NINJ2: variants seen among roughly 807,000 people sequenced by gnomAD.
The protein encoded by NINJ2 is ninjurin 2.
In NINJ2, 12 loss-of-function variants were observed where a neutral mutation model predicts 11.7. The ratio of observed to expected loss-of-function variants is 1.02; its 90% CI spans 0.66 to 1.66. NINJ2 has a LOEUF of 1.66. NINJ2 is among the 40% of genes most tolerant of loss of function. The pLI, the probability that NINJ2 is intolerant of heterozygous loss-of-function variation, is 0.00. For missense variants in NINJ2, 187 were observed against 181.8 expected, an observed-to-expected ratio of 1.03 and a Z score of -0.16; for synonymous variants, 93 against 76.8, an observed-to-expected ratio of 1.21 and a Z score of -1.10.
At chr12:649,032 A>ATCTATCTATCTATCTC (rs1191391738) in intron 1 of NINJ2, among the ~76,000 whole-genome samples, 217 of 149,298 alleles carry the variant, frequency 1.5e-3, no homozygotes, top group African/African-American at 5.1e-3. Context: ...CTATCTATCT[A>ATCTATCTATCTATCTC]TCTCAAGTGA....
At chr12:575,137 C>T (rs899470069) in intron 1 of NINJ2, among the ~76,000 whole-genome samples, 7 of 152,214 alleles carry the variant, frequency 4.6e-5, no homozygotes, top group Non-Finnish European at 7.3e-5. Context: ...CCTCCTGTAC[C>T]CATTGGGCAG....
intron 1 of NINJ2, among the ~76,000 whole-genome samples, chr12:630,147 G>A (rs1277971895): frequency 1.3e-5 from 2 of 151,422 alleles, no homozygotes; most frequent in East Asian, 1.9e-4. Flanking sequence ...TTACCAAACC[G>A]CTCTTAGGTT....
chr12:609,970 G>T (rs10744692), intron 1 of NINJ2, among the ~76,000 whole-genome samples: 31,040 of 148,400 alleles, frequency 0.21, 3,521 homozygotes, highest in East Asian at 0.3. Flanking sequence ...AAAAGACGAA[G>T]GAGAGAAATA....
chr12:626,880 G>T (rs768133115), intron 1 of NINJ2, among the ~76,000 whole-genome samples: 1 of 152,148 alleles, frequency 6.6e-6, no homozygotes, highest in Non-Finnish European at 1.5e-5. Flanking sequence ...GAGCCCAGGA[G>T]TTCAAGACCA....
intron 1 of NINJ2, among the ~76,000 whole-genome samples, chr12:630,163 C>T (rs1317651099): frequency 6.6e-6 from 1 of 151,666 alleles, no homozygotes; most frequent in African/African-American, 2.4e-5. Flanking sequence ...AGGTTCCTTC[C>T]CCAGGAGACC....
chr12:584,938 G>A (rs1324428885), intron 1 of NINJ2, among the ~76,000 whole-genome samples: 1 of 152,076 alleles, frequency 6.6e-6, no homozygotes, highest in African/African-American at 2.4e-5. Context: ...CCAATATGGT[G>A]AAACCCCGTC....
At chr12:658,481 T>A (rs934667774) in intron 1 of NINJ2, among the ~76,000 whole-genome samples, 5 of 152,192 alleles carry the variant, frequency 3.3e-5, no homozygotes, top group African/African-American at 1.2e-4. Context: ...GTGCCATTAC[T>A]GAGTGAGAGA....
intron 1 of NINJ2, among the ~76,000 whole-genome samples, chr12:620,145 C>A (rs1373450849): frequency 6.6e-6 from 1 of 152,214 alleles, no homozygotes; most frequent in East Asian, 1.9e-4. Flanking sequence ...AGAGCACAGG[C>A]AGTATGGGAG....
intron 1 of NINJ2, among the ~76,000 whole-genome samples, chr12:596,901 G>A (rs923806709): frequency 2.0e-5 from 3 of 151,056 alleles, no homozygotes; most frequent in South Asian, 2.1e-4. Flanking sequence ...CAGCCTGGAC[G>A]ATGAGAGTGA....
chr12:603,667 C>CT (rs112383920), intron 1 of NINJ2, among the ~76,000 whole-genome samples: 3,079 of 146,576 alleles, frequency 0.021, 93 homozygotes, highest in African/African-American at 0.069. Context: ...TATTCTTTTT[C>CT]TTTTTTTTTT....
intron 1 of NINJ2, among the ~76,000 whole-genome samples, chr12:629,896 A>AAAAAAAAAAAAAAAAAAAAAATATATAT: frequency 1.0e-4 from 1 of 9,904 alleles, no homozygotes; most frequent in Non-Finnish European, 4.7e-4. Flanking sequence ...AAAAAAAAAA[A>AAAAAAAAAAAAAAAAAAAAAATATATAT]ATATATATAT....
intron 1 of NINJ2, among the ~76,000 whole-genome samples, chr12:576,070 T>C (rs1231052313): frequency 6.6e-6 from 1 of 152,210 alleles, no homozygotes; most frequent in African/African-American, 2.4e-5. Flanking sequence ...CAACAGTCTC[T>C]AATCCACGTC....
Position 565,419 on chromosome 12 carries a change from G to A in NINJ2, c.263-18C>T, listed in dbSNP as rs377140055. ...CAGCCGTGCTGCAGGGAAGTGGAGT[G>A]GGGGGAAAGGGTCAGAGACGGGGCC... On this transcript the variant is annotated intron_variant, in intron 2 of 3. Coordinates refer to ENST00000305108, the MANE Select transcript of NINJ2 (RefSeq NM_016533.6). 9 of 1,611,558 alleles carry A rather than the reference G, an allele frequency of 5.6e-6. No homozygotes were observed. Among genetic ancestry groups the A allele is most frequent in the Middle Eastern group, 3.3e-4 (2 of 6,022 alleles).
rs1948201586 is a variant in NINJ2, at chr12:625,380, T to C, written c.33+37948A>G. The stretch of plus-strand genomic sequence containing the variant: ...AGAAGGTCAGAAAGCCAAGGTGAAG[T>C]CGAGACCTTGCATTTCAGGCTGAAG... On this transcript the variant is annotated intron_variant, in intron 1 of 3. Coordinates refer to ENST00000305108, the MANE Select transcript of NINJ2 (RefSeq NM_016533.6). Among the ~76,000 whole-genome samples, 8 of 152,186 alleles carry C rather than the reference T, an allele frequency of 5.3e-5. No homozygotes were observed. The South Asian group carries it at 1.7e-3, about 32-fold the overall frequency.
intron 1 of NINJ2, among the ~76,000 whole-genome samples, chr12:570,056 G>T (rs745839874): frequency 6.6e-6 from 1 of 152,220 alleles, no homozygotes; most frequent in Non-Finnish European, 1.5e-5. Context: ...CAGGACGGGA[G>T]CCTCGCCCGC....
At chr12:617,221 T>C (rs1948103395) in intron 1 of NINJ2, among the ~76,000 whole-genome samples, 1 of 151,152 alleles carries the variant, frequency 6.6e-6, no homozygotes, top group Admixed American at 6.6e-5. Flanking sequence ...AAAAAGTGTG[T>C]TCACCCCCTG....
intron 2 of NINJ2, chr12:565,648 A>G (rs1471237681): frequency 1.6e-6 from 1 of 611,342 alleles, no homozygotes; most frequent in Admixed American, 2.8e-5. Context: ...CGTGGGGACG[A>G]GTGCTCATGG....
chr12:660,169 T>C (rs1034257427), intron 1 of NINJ2, among the ~76,000 whole-genome samples: 1 of 151,164 alleles, frequency 6.6e-6, no homozygotes, highest in Non-Finnish European at 1.5e-5. Flanking sequence ...ACATGTGTGG[T>C]CCCAGCTATT....
At chr12:573,371 G>A (rs1278713555) in intron 1 of NINJ2, among the ~76,000 whole-genome samples, 1 of 152,102 alleles carries the variant, frequency 6.6e-6, no homozygotes, top group Non-Finnish European at 1.5e-5. Context: ...CCCAAGAAGT[G>A]GAAGACATAC....
Sources: gnomAD v4.1 joint callset for allele counts (sites outside exome capture counted in the v4.1 genomes callset) on GRCh38, gnomAD v4.1.1 for gene constraint, MANE v1.5 for transcripts, NCBI Gene and HGNC (gene_info 2026-07-23, HGNC 2026-07-21) for gene names.